The following TEAD1 variants were observed in gnomAD, a reference collection of about 807,000 sequenced individuals.
The protein encoded by TEAD1 is transcriptional enhancer factor TEF-1.
A neutral mutation model predicts 54.9 loss-of-function variants in TEAD1; 9 were observed. That is an observed-to-expected ratio of 0.16 (90% CI 0.10 to 0.29). The LOEUF is 0.29. Ranked by LOEUF, TEAD1 falls within the 10% of genes least tolerant of loss-of-function variation. The probability of loss-of-function intolerance (pLI) is 1.00; values close to 1 mark genes in which losing one functional copy is unlikely to be tolerated. For missense variants in TEAD1, 387 were observed against 535.9 expected, an observed-to-expected ratio of 0.72 and a Z score of 2.74; for synonymous variants, 200 against 187.8, an observed-to-expected ratio of 1.07 and a Z score of -0.53.
chr11:12,724,920 G>T lies in TEAD1; in HGVS notation c.-54-39259G>T, dbSNP rs116188468. Among the ~76,000 whole-genome samples, 351 of 152,292 alleles carry T rather than the reference G, an allele frequency of 2.3e-3. 1 individual carries two copies. The highest frequency in any genetic ancestry group is 8.2e-3 in the African/African-American group (342 of 41,558). Reference sequence around the variant, plus strand: ...GCTTCCGGGGCTGCTCCCTAACCTTGATCCTGGGCAGTGCCCTGGGGCTTT... The same window carrying T: ...GCTTCCGGGGCTGCTCCCTAACCTTTATCCTGGGCAGTGCCCTGGGGCTTT... On this transcript the variant is annotated intron_variant, in intron 2 of 12. Coordinates refer to ENST00000527636, the MANE Select transcript of TEAD1 (RefSeq NM_021961.6).
intron 4 of TEAD1, among the ~76,000 whole-genome samples, chr11:12,863,889 G>A (rs1037650955): frequency 3.9e-5 from 6 of 152,154 alleles, no homozygotes; most frequent in African/African-American, 1.2e-4. Flanking sequence ...TTAGGCAGCA[G>A]TTGGTGATAC....
intron 2 of TEAD1, among the ~76,000 whole-genome samples, chr11:12,761,370 A>G (rs1945100132): frequency 6.6e-6 from 1 of 152,216 alleles, no homozygotes; most frequent in South Asian, 2.1e-4. Flanking sequence ...CCCATGTGAC[A>G]GACAGCTCTT....
At chr11:12,909,096 C>A (rs760894741) in intron 10 of TEAD1, among the ~76,000 whole-genome samples, 1 of 152,172 alleles carries the variant, frequency 6.6e-6, no homozygotes, top group Non-Finnish European at 1.5e-5. Flanking sequence ...TCTATTGTCA[C>A]TTGTTATTTG....
rs56968831 is a variant in TEAD1, at chr11:12,775,972, C to T, written c.202+11538C>T. On this transcript the variant is annotated intron_variant, in intron 3 of 12. Transcript: ENST00000527636. ...ACTGTGGTGTGGTGTTTACTGGCGGCGGGGGGTTCACCCGGGGAAGTTACG... is the reference window on the plus strand; with the variant it reads ...ACTGTGGTGTGGTGTTTACTGGCGGTGGGGGGTTCACCCGGGGAAGTTACG... Among the ~76,000 whole-genome samples the T allele has an allele frequency of 8.4e-3, 1,229 of 146,960 alleles. 15 individuals are homozygous for T. Among genetic ancestry groups the T allele is most frequent in the African/African-American group, 0.032 (1,170 of 36,604 alleles).
At chr11:12,876,249 CACTG>C (rs1374114977) in intron 5 of TEAD1, among the ~76,000 whole-genome samples, 13 of 152,180 alleles carry the variant, frequency 8.5e-5, no homozygotes, top group African/African-American at 3.1e-4. Context: ...TCCTTTTCCA[CACTG>C]ACTGATTTCC....
chr11:12,714,121 A>G (rs759134533), intron 2 of TEAD1, among the ~76,000 whole-genome samples: 14 of 152,176 alleles, frequency 9.2e-5, no homozygotes, highest in Non-Finnish European at 1.8e-4. Flanking sequence ...GTAGGCAAGA[A>G]TATCTGGGCA....
chr11:12,845,702 C>T (rs1029299208), intron 3 of TEAD1, among the ~76,000 whole-genome samples: 3 of 152,232 alleles, frequency 2.0e-5, no homozygotes, highest in African/African-American at 7.2e-5. Flanking sequence ...GAACCACCTG[C>T]CCCTTTTAGC....
intron 3 of TEAD1, among the ~76,000 whole-genome samples, chr11:12,820,259 C>G (rs1315253558): frequency 6.6e-6 from 1 of 152,280 alleles, no homozygotes; most frequent in East Asian, 1.9e-4. Flanking sequence ...GACACTGTTG[C>G]TGTGGGGAAG....
intron 3 of TEAD1, among the ~76,000 whole-genome samples, chr11:12,784,399 G>C (rs575956105): frequency 2.0e-5 from 3 of 152,124 alleles, no homozygotes; most frequent in Non-Finnish European, 4.4e-5. Context: ...AGAACAGTTT[G>C]GAAAACATCA....
At chr11:12,757,899 C>T (rs1241492934) in intron 2 of TEAD1, among the ~76,000 whole-genome samples, 1 of 152,114 alleles carries the variant, frequency 6.6e-6, no homozygotes, top group South Asian at 2.1e-4. Context: ...TCTGTCTCAG[C>T]CTCCCAAGTA....
intron 2 of TEAD1, among the ~76,000 whole-genome samples, chr11:12,709,376 T>TTAC (rs1943886571): frequency 2.6e-5 from 4 of 152,136 alleles, no homozygotes; most frequent in African/African-American, 9.7e-5. Flanking sequence ...AATTTGATGT[T>TTAC]TACTTTTTAT....
intron 10 of TEAD1, among the ~76,000 whole-genome samples, chr11:12,908,883 G>GTTTTTGTTTTTT (rs769023879): frequency 2.0e-5 from 2 of 99,662 alleles, no homozygotes; most frequent in African/African-American, 3.2e-5. Flanking sequence ...CAAATTATCT[G>GTTTTTGTTTTTT]TTTTTTTTTT....
intron 12 of TEAD1, among the ~76,000 whole-genome samples, chr11:12,931,955 A>T (rs1949019330): frequency 6.6e-6 from 1 of 152,198 alleles, no homozygotes; most frequent in Non-Finnish European, 1.5e-5. Context: ...GAAGTGTGCA[A>T]CCAGGTAGAG....
chr11:12,727,384 T>G (rs900526506), intron 2 of TEAD1, among the ~76,000 whole-genome samples: 17 of 152,134 alleles, frequency 1.1e-4, no homozygotes, highest in African/African-American at 4.1e-4. Context: ...GAGCTGTGAA[T>G]CGGGTCCTGT....
chr11:12,680,676 CAG>C (rs1049888992), intron 2 of TEAD1, among the ~76,000 whole-genome samples: 3 of 152,196 alleles, frequency 2.0e-5, no homozygotes, highest in Non-Finnish European at 4.4e-5. Context: ...CTGCAGGTAA[CAG>C]GGATTTGTGA....
chr11:12,712,306 A>C (rs1199102881), intron 2 of TEAD1, among the ~76,000 whole-genome samples: 1 of 151,796 alleles, frequency 6.6e-6, no homozygotes, highest in Admixed American at 6.6e-5. Context: ...TCTTCCTACC[A>C]CTCTGACTAT....
At chr11:12,732,344 C>T (rs1341289168) in intron 2 of TEAD1, among the ~76,000 whole-genome samples, 1 of 152,186 alleles carries the variant, frequency 6.6e-6, no homozygotes, top group African/African-American at 2.4e-5. Context: ...CCTATTAATT[C>T]TCCTTAAAAA....
chr11:12,832,854 C>G (rs1946811016), intron 3 of TEAD1, among the ~76,000 whole-genome samples: 1 of 151,740 alleles, frequency 6.6e-6, no homozygotes, highest in Non-Finnish European at 1.5e-5. Flanking sequence ...ATTTAACCCT[C>G]TGTCTGATTT....
intron 9 of TEAD1, among the ~76,000 whole-genome samples, chr11:12,885,763 G>T (rs1336630055): frequency 6.6e-6 from 1 of 152,150 alleles, no homozygotes; most frequent in Non-Finnish European, 1.5e-5. Flanking sequence ...TCCAGTTATG[G>T]ACCTCTTAGG....
Sources: allele counts gnomAD v4.1 joint callset (sites outside exome capture counted in the v4.1 genomes callset), GRCh38; gene constraint gnomAD v4.1.1; transcripts MANE v1.5; gene names NCBI Gene and HGNC (gene_info 2026-07-23, HGNC 2026-07-21).